The following GUCY1A2 variants were observed in gnomAD, a reference collection of about 807,000 sequenced individuals.
GUCY1A2 encodes guanylate cyclase 1 soluble subunit alpha 2.
Under a neutral mutation model 63.5 loss-of-function variants are expected in GUCY1A2, and 27 were observed. That is an observed-to-expected ratio of 0.43 (90% CI 0.31 to 0.59). GUCY1A2 has a LOEUF of 0.59. GUCY1A2 is among the 20% of genes least tolerant of loss of function. The pLI is 0.11. For missense variants in GUCY1A2, 768 were observed against 913.3 expected, an observed-to-expected ratio of 0.84 and a Z score of 2.05; for synonymous variants, 364 against 343.5, an observed-to-expected ratio of 1.06 and a Z score of -0.66.
At chr11:106,833,399 T>C (rs529742734) in intron 4 of GUCY1A2, among the ~76,000 whole-genome samples, 3 of 152,226 alleles carry the variant, frequency 2.0e-5, no homozygotes, top group Admixed American at 6.5e-5. Flanking sequence ...GCCTGTGATC[T>C]AACAGTCCAC....
intron 1 of GUCY1A2, among the ~76,000 whole-genome samples, chr11:107,014,770 A>G (rs1210453992): frequency 1.3e-5 from 2 of 152,304 alleles, no homozygotes; most frequent in Non-Finnish European, 2.9e-5. Context: ...ACAACTGACA[A>G]AACAGGAGCT....
chr11:106,793,631 C>G (rs1302985698), intron 5 of GUCY1A2, among the ~76,000 whole-genome samples: 2 of 151,908 alleles, frequency 1.3e-5, no homozygotes, highest in Non-Finnish European at 2.9e-5. Flanking sequence ...CCAAAATATT[C>G]AAAGAACTCA....
At chr11:106,813,063 A>G (rs1858785028) in intron 4 of GUCY1A2, among the ~76,000 whole-genome samples, 1 of 152,052 alleles carries the variant, frequency 6.6e-6, no homozygotes, top group African/African-American at 2.4e-5. Flanking sequence ...TTATTAACTT[A>G]GCAATAAGCA....
intron 4 of GUCY1A2, among the ~76,000 whole-genome samples, chr11:106,880,620 T>A (rs569799486): frequency 3.3e-5 from 5 of 152,086 alleles, no homozygotes; most frequent in Non-Finnish European, 5.9e-5. Flanking sequence ...ATCCAAACTT[T>A]CTTTCTTAAA....
chr11:106,689,844 A>AAAATACAAAAAAAG (rs1862591198), intron 7 of GUCY1A2, among the ~76,000 whole-genome samples: 2 of 151,924 alleles, frequency 1.3e-5, no homozygotes, highest in African/African-American at 4.8e-5. Flanking sequence ...ATACAAAAAA[A>AAAATACAAAAAAAG]ATTAGCCGGG....
chr11:106,734,119 T>C (rs1863550080), intron 6 of GUCY1A2, among the ~76,000 whole-genome samples: 1 of 152,106 alleles, frequency 6.6e-6, no homozygotes, highest in Non-Finnish European at 1.5e-5. Flanking sequence ...TTATGGCACC[T>C]TTCAAATACA....
chr11:106,702,606 T>G (rs777671747), intron 7 of GUCY1A2, among the ~76,000 whole-genome samples: 3 of 152,162 alleles, frequency 2.0e-5, no homozygotes, highest in Non-Finnish European at 2.9e-5. Flanking sequence ...TTCAGGAATC[T>G]ATATCTTAAG....
rs765240993 is a variant in GUCY1A2, at chr11:107,017,971, ACTCCCCCTC to A, written c.76_84del (p.Glu26_Glu28del). Reference sequence around the variant, plus strand: ...TTCCAGCAGAGCCTAGACAGGGGGCACTCCCCCTCCTCCTCCGGGCTGGTCTCCAGGTAG... The same window carrying A: ...TTCCAGCAGAGCCTAGACAGGGGGCACTCCTCCGGGCTGGTCTCCAGGTAG... On this transcript the variant is annotated inframe_deletion, in exon 1 of 8. Transcript: ENST00000526355. The A allele has an allele frequency of 6.9e-7, 1 of 1,440,450 alleles. No homozygotes were observed. The highest frequency in any genetic ancestry group is 2.1e-5 in the Admixed American group (1 of 46,910). The allele number at this position is 1,440,450 out of a possible 1,614,324, so 89.2% of individuals were successfully genotyped here. A position where few individuals can be genotyped will look rare whatever the true frequency, so the allele number is the denominator to read the frequency against.
At chr11:107,001,345 G>C (rs894117062) in intron 1 of GUCY1A2, among the ~76,000 whole-genome samples, 2 of 152,134 alleles carry the variant, frequency 1.3e-5, no homozygotes, top group African/African-American at 4.8e-5. Flanking sequence ...CATGTAGACA[G>C]AACTTATTTT....
chr11:106,929,773 T>G (rs1213505739), intron 4 of GUCY1A2, among the ~76,000 whole-genome samples: 2 of 152,188 alleles, frequency 1.3e-5, no homozygotes, highest in Admixed American at 6.5e-5. Flanking sequence ...TCCTCTTAAT[T>G]CTTAACCAAA....
chr11:106,744,985 T>C (rs188894239), intron 6 of GUCY1A2, among the ~76,000 whole-genome samples: 2 of 152,298 alleles, frequency 1.3e-5, no homozygotes, highest in Admixed American at 6.5e-5. Flanking sequence ...TAAACTACTT[T>C]GTATAAAATT....
chr11:106,781,112 C>CAAAAAAAAAAAAAAAAAAAAAAAAAAAAA (rs565279937), intron 5 of GUCY1A2, among the ~76,000 whole-genome samples: 1 of 89,032 alleles, frequency 1.1e-5, no homozygotes, highest in African/African-American at 4.1e-5. Flanking sequence ...AAACAGACTA[C>CAAAAAAAAAAAAAAAAAAAAAAAAAAAAA]AAAAAAAAAA....
chr11:107,004,552 T>C (rs1220247844), intron 1 of GUCY1A2, among the ~76,000 whole-genome samples: 3 of 152,164 alleles, frequency 2.0e-5, no homozygotes, highest in Admixed American at 6.5e-5. Context: ...TAGCTAGGAC[T>C]ATTCTAGGTG....
At chr11:106,859,446 G>T (rs1029004151) in intron 4 of GUCY1A2, among the ~76,000 whole-genome samples, 11 of 152,052 alleles carry the variant, frequency 7.2e-5, no homozygotes, top group African/African-American at 2.6e-4. Flanking sequence ...TAAATTACAA[G>T]AAAGGTATAG....
At chr11:106,780,437 AT>A (rs1385494857) in intron 5 of GUCY1A2, among the ~76,000 whole-genome samples, 1 of 152,188 alleles carries the variant, frequency 6.6e-6, no homozygotes, top group Non-Finnish European at 1.5e-5. Flanking sequence ...TTCATTCTAC[AT>A]ATCCATTTGG....
At chr11:106,838,709 A>G (rs2135441695) in intron 4 of GUCY1A2, among the ~76,000 whole-genome samples, 1 of 152,032 alleles carries the variant, frequency 6.6e-6, no homozygotes, top group East Asian at 1.9e-4. Flanking sequence ...TGTGGTTTTG[A>G]TTTGCATTTC....
chr11:106,713,020 T>G (rs1486329127), intron 6 of GUCY1A2, among the ~76,000 whole-genome samples: 4 of 152,168 alleles, frequency 2.6e-5, no homozygotes, highest in Non-Finnish European at 5.9e-5. Flanking sequence ...ACCTTTAGCC[T>G]CCTTGGTCTC....
At chr11:106,820,637 A>T (rs994902806) in intron 4 of GUCY1A2, among the ~76,000 whole-genome samples, 6 of 152,082 alleles carry the variant, frequency 3.9e-5, no homozygotes, top group Non-Finnish European at 8.8e-5. Context: ...GACACAAATG[A>T]TCCACCCGCC....
Position 106,683,646 on chromosome 11 carries a change from G to A in GUCY1A2, c.*3903C>T. ...TTGCTGTGGCCAGGCGTGAGGGGGT[G>A]AGATGGTTTCTAGTGACAGAATGGA... On this transcript the variant is annotated 3_prime_UTR_variant, in exon 8 of 8. Coordinates refer to ENST00000526355, the MANE Select transcript of GUCY1A2 (RefSeq NM_000855.3). 4.4e-6 allele frequency: 1 copy of A among 226,834 alleles called. No homozygotes were observed. The highest frequency in any genetic ancestry group is 8.8e-6 in the Non-Finnish European group (1 of 113,914). 14.1% of individuals were successfully genotyped at this position (226,834 alleles called of 1,614,324 possible).
Sources: allele counts gnomAD v4.1 joint callset (sites outside exome capture counted in the v4.1 genomes callset), GRCh38; gene constraint gnomAD v4.1.1; transcripts MANE v1.5; gene names NCBI Gene and HGNC (gene_info 2026-07-23, HGNC 2026-07-21).